Variants in GRID1 observed in about 807,000 individuals in gnomAD.
GRID1 encodes glutamate receptor ionotropic, delta-1.
GRID1 carries 28 observed loss-of-function variants against 98.0 expected under a neutral mutation model. That is an observed-to-expected ratio of 0.29 (90% CI 0.21 to 0.39). GRID1 has a LOEUF of 0.39. Among genes scored for constraint, GRID1 ranks in the 10% least tolerant of loss-of-function variants. The probability of loss-of-function intolerance (pLI) is 1.00; values close to 1 mark genes in which losing one functional copy is unlikely to be tolerated. For missense variants in GRID1, 1,111 were observed against 1,340.5 expected (o/e 0.83, Z 2.67); for synonymous variants, 553 against 538.5 (o/e 1.03, Z -0.37).
At chr10:86,231,953 G>A (rs1239872289) in intron 2 of GRID1, among the ~76,000 whole-genome samples, 1 of 152,192 alleles carries the variant, frequency 6.6e-6, no homozygotes, top group Admixed American at 6.5e-5. Context: ...GAGGGATGGG[G>A]TGAGGGTTGC....
intron 4 of GRID1, among the ~76,000 whole-genome samples, chr10:85,960,045 C>A (rs900060378): frequency 1.3e-5 from 2 of 152,052 alleles, no homozygotes; most frequent in Non-Finnish European, 2.9e-5. Context: ...CCACTCCTGG[C>A]TAATTTTTGC....
At chr10:86,296,585 A>T (rs1019868608) in intron 2 of GRID1, among the ~76,000 whole-genome samples, 2 of 152,152 alleles carry the variant, frequency 1.3e-5, no homozygotes, top group Non-Finnish European at 2.9e-5. Context: ...CTAAAAATAC[A>T]AAAATTAGCT....
chr10:85,982,102 G>A (rs973871246), intron 4 of GRID1, among the ~76,000 whole-genome samples: 1 of 151,916 alleles, frequency 6.6e-6, no homozygotes, highest in Admixed American at 6.6e-5. Context: ...AAGGCTCCAG[G>A]TGAGTCTGGG....
chr10:86,097,078 T>TG (rs150789788), intron 4 of GRID1, among the ~76,000 whole-genome samples: 10,322 of 152,218 alleles, frequency 0.068, 838 homozygotes, highest in African/African-American at 0.19. Flanking sequence ...AGTGGCCCCC[T>TG]GGTCTTCAGG....
intron 12 of GRID1, among the ~76,000 whole-genome samples, chr10:85,708,433 A>G (rs1156790197): frequency 1.3e-5 from 2 of 152,156 alleles, no homozygotes; most frequent in Non-Finnish European, 2.9e-5. Flanking sequence ...GATTAATAAA[A>G]TGGGATCAGA....
chr10:85,819,565 G>C lies in GRID1; in HGVS notation c.1233+34931C>G, dbSNP rs760569275. 6.6e-5 allele frequency among the ~76,000 whole-genome samples: 10 copies of C among 152,272 alleles called. 1 individual carries two copies. The Middle Eastern group carries it at 0.017, about 259-fold the overall frequency. On this transcript the variant is annotated intron_variant, in intron 8 of 15. Transcript: ENST00000327946. ...ATCCCCTGATATGATACAATGAGAA[G>C]GGTACCAGGTGGTGTTCTTCCCCAA...
intron 3 of GRID1, among the ~76,000 whole-genome samples, chr10:86,154,837 G>C (rs532870895): frequency 6.6e-6 from 1 of 152,082 alleles, no homozygotes; most frequent in South Asian, 2.1e-4. Flanking sequence ...CCACCTCTCC[G>C]GGAGCAAAAC....
intron 8 of GRID1, among the ~76,000 whole-genome samples, chr10:85,851,022 C>T (rs781086249): frequency 6.6e-6 from 1 of 152,174 alleles, no homozygotes; most frequent in South Asian, 2.1e-4. Context: ...CTACAGGTGG[C>T]CCTGACAGAT....
chr10:85,653,617 T>C (rs186877251), intron 12 of GRID1, among the ~76,000 whole-genome samples: 86 of 152,346 alleles, frequency 5.6e-4, no homozygotes, highest in Admixed American at 1.9e-3. Context: ...TGAAACTTAA[T>C]ACCCAATGTG....
chr10:86,257,037 T>C (rs555077354), intron 2 of GRID1, among the ~76,000 whole-genome samples: 43 of 152,320 alleles, frequency 2.8e-4, no homozygotes, highest in Non-Finnish European at 4.7e-4. Flanking sequence ...CTCTGAGTGC[T>C]TCCCTGTCCC....
chr10:85,741,550 C>A (rs1841943115), intron 8 of GRID1, among the ~76,000 whole-genome samples: 1 of 152,216 alleles, frequency 6.6e-6, no homozygotes, highest in African/African-American at 2.4e-5. Context: ...GTTTCTATAT[C>A]AGGGTACCAT....
At chr10:86,216,927 G>A (rs1258040439) in intron 2 of GRID1, among the ~76,000 whole-genome samples, 1 of 152,154 alleles carries the variant, frequency 6.6e-6, no homozygotes, top group Non-Finnish European at 1.5e-5. Context: ...GGGTAACCAA[G>A]AAGGTGCTTC....
chr10:86,080,405 AGGG>A (rs1843953475), intron 4 of GRID1, among the ~76,000 whole-genome samples: 1 of 22,988 alleles, frequency 4.4e-5, no homozygotes, highest in African/African-American at 1.5e-4. Flanking sequence ...AGGGAAGGGA[AGGG>A]AAGGGGAGGG....
At chr10:86,315,510 C>T (rs1484862217) in intron 2 of GRID1, among the ~76,000 whole-genome samples, 1 of 152,200 alleles carries the variant, frequency 6.6e-6, no homozygotes, top group Non-Finnish European at 1.5e-5. Context: ...CTGAGTCACA[C>T]AAGGAACTGG....
chr10:86,304,061 T>C (rs1213407522), intron 2 of GRID1, among the ~76,000 whole-genome samples: 1 of 152,168 alleles, frequency 6.6e-6, no homozygotes, highest in Non-Finnish European at 1.5e-5. Flanking sequence ...CCCCCAACCC[T>C]GGTAGTGACT....
intron 4 of GRID1, among the ~76,000 whole-genome samples, chr10:86,042,320 C>T (rs1007940322): frequency 6.6e-6 from 1 of 152,236 alleles, no homozygotes; most frequent in African/African-American, 2.4e-5. Flanking sequence ...CCACAGACTC[C>T]AGGCTCACAG....
chr10:85,635,938 G>A (rs144313741), intron 13 of GRID1, among the ~76,000 whole-genome samples: 34 of 152,346 alleles, frequency 2.2e-4, no homozygotes, highest in Non-Finnish European at 4.1e-4. Flanking sequence ...CGACAAGGGC[G>A]CTGGAGTGAG....
intron 8 of GRID1, among the ~76,000 whole-genome samples, chr10:85,773,549 T>A (rs1402310793): frequency 1.3e-5 from 2 of 151,642 alleles, no homozygotes; most frequent in Non-Finnish European, 2.9e-5. Context: ...TGTTTGCAGA[T>A]GACATGATTG....
At chr10:85,957,227 C>T (rs999503065) in intron 4 of GRID1, among the ~76,000 whole-genome samples, 1 of 152,144 alleles carries the variant, frequency 6.6e-6, no homozygotes, top group African/African-American at 2.4e-5. Flanking sequence ...AGAGCCAGAC[C>T]ATATCACACT....
Sources: allele counts gnomAD v4.1 joint callset (sites outside exome capture counted in the v4.1 genomes callset), GRCh38; gene constraint gnomAD v4.1.1; transcripts MANE v1.5; gene names NCBI Gene and HGNC (gene_info 2026-07-23, HGNC 2026-07-21).